Variants in SGCZ observed in about 807,000 individuals in gnomAD.
SGCZ encodes the protein sarcoglycan zeta, also known as zeta-sarcoglycan.
Under a neutral mutation model 41.3 loss-of-function variants are expected in SGCZ, and 40 were observed. The ratio of observed to expected loss-of-function variants is 0.97; its 90% CI spans 0.75 to 1.26. SGCZ has a LOEUF of 1.26. SGCZ is among the 50% of genes most tolerant of loss of function. The pLI is 0.00. For missense variants in SGCZ, 552 were observed against 369.8 expected, an observed-to-expected ratio of 1.49 and a Z score of -4.04; for synonymous variants, 206 against 137.5, an observed-to-expected ratio of 1.50 and a Z score of -3.49.
At chr8:14,551,517 TATATATAATATATATAATATATATAA>T in intron 2 of SGCZ, among the ~76,000 whole-genome samples, 1 of 6,848 alleles carries the variant, frequency 1.5e-4, no homozygotes, top group Non-Finnish European at 2.1e-4. Context: ...TTATATATAT[TATATATAATATATATAATATATATAA>T]TATATATAAT....
intron 1 of SGCZ, among the ~76,000 whole-genome samples, chr8:14,819,963 T>C (rs1802023845): frequency 6.6e-6 from 1 of 151,974 alleles, no homozygotes; most frequent in Admixed American, 6.6e-5. Flanking sequence ...ACAATGTACC[T>C]ATAAAAGAAC....
At chr8:15,219,528 G>A (rs1303025099) in intron 1 of SGCZ, among the ~76,000 whole-genome samples, 2 of 152,118 alleles carry the variant, frequency 1.3e-5, no homozygotes, top group African/African-American at 4.8e-5. Context: ...TGTCTATGAT[G>A]GGAATTTCAT....
At chr8:14,205,216 G>A (rs924389175) in intron 4 of SGCZ, among the ~76,000 whole-genome samples, 2 of 151,402 alleles carry the variant, frequency 1.3e-5, no homozygotes, top group Non-Finnish European at 1.5e-5. Flanking sequence ...TATAAGCAGA[G>A]TACAAAATGA....
At chr8:14,415,811 C>G (rs1445094698) in intron 2 of SGCZ, among the ~76,000 whole-genome samples, 1 of 151,936 alleles carries the variant, frequency 6.6e-6, no homozygotes. Flanking sequence ...GCTCACACTA[C>G]ATATTACAGA....
chr8:14,942,537 A>T (rs1225062041), intron 1 of SGCZ, among the ~76,000 whole-genome samples: 1 of 152,168 alleles, frequency 6.6e-6, no homozygotes, highest in Non-Finnish European at 1.5e-5. Context: ...CTTACATTTA[A>T]GGCCAGTTAA....
At chr8:14,877,066 C>T (rs1034098635) in intron 1 of SGCZ, among the ~76,000 whole-genome samples, 10 of 152,246 alleles carry the variant, frequency 6.6e-5, no homozygotes, top group African/African-American at 9.6e-5. Context: ...CTCTGCCTCC[C>T]GGGTTCAAGC....
chr8:14,964,481 C>A (rs1260048820), intron 1 of SGCZ, among the ~76,000 whole-genome samples: 1 of 152,084 alleles, frequency 6.6e-6, no homozygotes, highest in African/African-American at 2.4e-5. Flanking sequence ...ACCTCTAAAA[C>A]AAAAAGATTG....
Position 14,736,492 on chromosome 8 carries a change from C to G in SGCZ, c.40-181566G>C, listed in dbSNP as rs564858500. ...ATGACTTTTATTTTATTTTATTTTC[C>G]CATAAGTTTTGAGGTGCAGGTGGTA... On this transcript the variant is annotated intron_variant, in intron 1 of 7. Coordinates refer to ENST00000382080, the MANE Select transcript of SGCZ (RefSeq NM_139167.4). Among the ~76,000 whole-genome samples, 6 of 151,748 alleles carry G rather than the reference C, an allele frequency of 4.0e-5. No individual in the cohort carries two copies. In the East Asian group the frequency reaches 1.2e-3, roughly 29 times the overall value.
At position 14,090,381 on chromosome 8, in the gene SGCZ, GAACTGTGAAGC is replaced by G; in HGVS notation, c.*51_*61del. The G allele has an allele frequency of 6.5e-7, 1 of 1,545,772 alleles. No homozygotes were observed. Among genetic ancestry groups the G allele is most frequent in the Non-Finnish European group, 8.8e-7 (1 of 1,140,912 alleles). On this transcript the variant is annotated 3_prime_UTR_variant, in exon 8 of 8. Transcript: ENST00000382080. The stretch of plus-strand genomic sequence containing the variant: ...GACTGATCACAAGGGAAACCGAGCA[GAACTGTGAAGC>G]AGACGGACAGGAACAAAAGGCTATT...
intron 3 of SGCZ, among the ~76,000 whole-genome samples, chr8:14,268,884 G>GA (rs550061145): frequency 1.7e-3 from 252 of 151,530 alleles, no homozygotes; most frequent in Non-Finnish European, 1.9e-3. Flanking sequence ...AACTTAAAGA[G>GA]AAAACTTTAA....
chr8:14,530,829 A>G (rs1803106017), intron 2 of SGCZ, among the ~76,000 whole-genome samples: 1 of 152,138 alleles, frequency 6.6e-6, no homozygotes, highest in South Asian at 2.1e-4. Flanking sequence ...TTAAAAAAGA[A>G]TGATTTTTAA....
chr8:14,416,773 T>G (rs2117292928), intron 2 of SGCZ, among the ~76,000 whole-genome samples: 1 of 151,964 alleles, frequency 6.6e-6, no homozygotes, highest in African/African-American at 2.4e-5. Flanking sequence ...TCATTTAGTC[T>G]GCCTGGGACT....
At chr8:14,680,964 G>GAA (rs71209075) in intron 1 of SGCZ, among the ~76,000 whole-genome samples, 20 of 117,884 alleles carry the variant, frequency 1.7e-4, no homozygotes, top group South Asian at 8.4e-4. Flanking sequence ...AAAAGAGTGG[G>GAA]AAAAAAAAAA....
intron 1 of SGCZ, among the ~76,000 whole-genome samples, chr8:14,819,870 A>C (rs1802020989): frequency 6.6e-6 from 1 of 152,078 alleles, no homozygotes; most frequent in East Asian, 1.9e-4. Context: ...CAGATACACA[A>C]ATAATAAAGA....
intron 4 of SGCZ, among the ~76,000 whole-genome samples, chr8:14,213,275 G>C (rs370050165): frequency 1.3e-4 from 19 of 151,912 alleles, no homozygotes; most frequent in African/African-American, 4.6e-4. Flanking sequence ...GTAAAGACAC[G>C]CACACAAAAA....
chr8:14,844,455 C>G (rs912914614), intron 1 of SGCZ, among the ~76,000 whole-genome samples: 1 of 152,124 alleles, frequency 6.6e-6, no homozygotes, highest in Non-Finnish European at 1.5e-5. Flanking sequence ...ATGTAACAAA[C>G]GTGACTTCGG....
At chr8:14,904,730 A>C (rs1239289572) in intron 1 of SGCZ, among the ~76,000 whole-genome samples, 1 of 151,984 alleles carries the variant, frequency 6.6e-6, no homozygotes, top group Non-Finnish European at 1.5e-5. Flanking sequence ...TTATAATTAG[A>C]TTTGATAGTC....
intron 4 of SGCZ, among the ~76,000 whole-genome samples, chr8:14,230,377 G>T (rs998102274): frequency 3.3e-5 from 5 of 152,032 alleles, no homozygotes; most frequent in African/African-American, 7.2e-5. Context: ...GCTCCAGGAA[G>T]CGTTCCAATA....
At chr8:14,496,618 A>T (rs768338) in intron 2 of SGCZ, among the ~76,000 whole-genome samples, 28,680 of 152,080 alleles carry the variant, frequency 0.19, 3,280 homozygotes, top group Admixed American at 0.26. Context: ...TTTGTATCAC[A>T]GTTGTAGAAA....
Sources: gnomAD v4.1 joint callset for allele counts (sites outside exome capture counted in the v4.1 genomes callset) on GRCh38, gnomAD v4.1.1 for gene constraint, MANE v1.5 for transcripts, NCBI Gene and HGNC (gene_info 2026-07-23, HGNC 2026-07-21) for gene names.